XXYLT1: variants seen among roughly 807,000 people sequenced by gnomAD.
XXYLT1 encodes xyloside xylosyltransferase 1.
XXYLT1 carries 20 observed loss-of-function variants against 28.9 expected under a neutral mutation model. The ratio of observed to expected loss-of-function variants is 0.69; its 90% CI spans 0.49 to 1.00. The LOEUF (loss-of-function observed/expected upper bound fraction) is 1.00. XXYLT1 is among the 50% of genes least tolerant of loss of function. The pLI is 0.00. For missense variants in XXYLT1, 542 were observed against 560.1 expected (o/e 0.97, Z 0.33); for synonymous variants, 257 against 253.8 (o/e 1.01, Z -0.12).
At chr3:195,226,968 G>T (rs888393787) in intron 1 of XXYLT1, 112 bp from the exon 2 acceptor site, 5 of 1,342,344 alleles carry the variant, frequency 3.7e-6, no homozygotes, top group Non-Finnish European at 4.0e-6. Context: ...GCCTCTCCAG[G>T]GTCCACAAGC....
intron 3 of XXYLT1, among the ~76,000 whole-genome samples, chr3:195,083,756 T>C (rs1351134921): frequency 6.6e-6 from 1 of 152,198 alleles, no homozygotes; most frequent in Admixed American, 6.5e-5. Context: ...CGGTGCACAG[T>C]GGCTCATGCC....
At position 195,079,246 on chromosome 3, in the gene XXYLT1, C is replaced by T. The variant is rs116538579; in HGVS notation, c.786-9135G>A. Among the ~76,000 whole-genome samples, 649 of 152,278 alleles carry T rather than the reference C, an allele frequency of 4.3e-3. 3 individuals carry two copies. The highest frequency in any genetic ancestry group is 0.015 in the African/African-American group (619 of 41,548). The stretch of plus-strand genomic sequence containing the variant: ...GAGGGATGGAGACGGGGAAGCCACA[C>T]CCTTGGCCCTGGGGAGCGTATGAAC... On this transcript the variant is annotated intron_variant, in intron 3 of 3. Coordinates refer to ENST00000310380, the MANE Select transcript of XXYLT1 (RefSeq NM_152531.5).
At chr3:195,140,288 C>T (rs181685437) in intron 3 of XXYLT1, among the ~76,000 whole-genome samples, 9 of 152,326 alleles carry the variant, frequency 5.9e-5, no homozygotes, top group East Asian at 3.9e-4. Flanking sequence ...CTATAGGCAA[C>T]GTTAGCACCA....
At position 195,180,272 on chromosome 3, in the gene XXYLT1, C is replaced by A. The variant is rs1339467885; in HGVS notation, c.653-23691G>T. 2.1e-6 allele frequency: 2 copies of A among 974,478 alleles called. No individual in the cohort carries two copies. The highest frequency in any genetic ancestry group is 2.4e-6 in the Non-Finnish European group (2 of 820,146). The allele number at this position is 974,478 out of a possible 1,614,324, so 60.4% of individuals were successfully genotyped here. On this transcript the variant is annotated intron_variant, in intron 2 of 3. Coordinates refer to ENST00000310380, the MANE Select transcript of XXYLT1 (RefSeq NM_152531.5). This position sits in a 1 kb window ranked among gnomAD's most constrained non-coding sequence, Gnocchi z 5.8. ...GGGTGGTGAGTGGCACACTCGGTCC[C>A]CCAGTTACAGGAAAGGTCCCTTCCA... is the stretch of plus-strand genomic sequence containing the variant.
intron 2 of XXYLT1, among the ~76,000 whole-genome samples, chr3:195,159,056 G>C (rs1447706476): frequency 6.6e-6 from 1 of 152,128 alleles, no homozygotes; most frequent in Non-Finnish European, 1.5e-5. Context: ...ATAGCAGTAG[G>C]ATCACTGAAA....
intron 2 of XXYLT1, among the ~76,000 whole-genome samples, chr3:195,182,973 G>A (rs1722024392): frequency 6.6e-6 from 1 of 152,158 alleles, no homozygotes; most frequent in African/African-American, 2.4e-5. Context: ...CTTATATCAC[G>A]TTTTTACACA....
rs577573110 is a variant in XXYLT1, at chr3:195,114,706, C to T, written c.785+41743G>A. ...ACAGCACTTGATGTAGAAGGCAGCG[C>T]GGCTTTGCCCACATTCCCTGAACCT... On this transcript the variant is annotated intron_variant, in intron 3 of 3. Transcript: ENST00000310380. Among the ~76,000 whole-genome samples the T allele has an allele frequency of 4.7e-4, 72 of 152,354 alleles. 1 individual carries two copies. In the South Asian group the frequency reaches 0.014, roughly 30 times the overall value.
intron 3 of XXYLT1, among the ~76,000 whole-genome samples, chr3:195,139,156 C>T (rs919984902): frequency 6.6e-6 from 1 of 152,148 alleles, no homozygotes; most frequent in African/African-American, 2.4e-5. Flanking sequence ...CTCAGGAAAG[C>T]TGGAGACAGA....
At chr3:195,239,845 C>T (rs1051523864) in intron 1 of XXYLT1, among the ~76,000 whole-genome samples, 8 of 152,154 alleles carry the variant, frequency 5.3e-5, no homozygotes, top group African/African-American at 1.9e-4. Flanking sequence ...AATGTCACCC[C>T]AACCCACAAG....
At chr3:195,122,902 G>A (rs867128132) in intron 3 of XXYLT1, among the ~76,000 whole-genome samples, 9 of 152,134 alleles carry the variant, frequency 5.9e-5, no homozygotes, top group Admixed American at 6.5e-5. Context: ...GAGACAGGGT[G>A]TGGCCAGCTG....
intron 2 of XXYLT1, among the ~76,000 whole-genome samples, chr3:195,222,112 T>G (rs569076954): frequency 6.6e-6 from 1 of 152,318 alleles, no homozygotes; most frequent in East Asian, 1.9e-4. Flanking sequence ...TCTGTGGGGC[T>G]GCGACATGGG....
rs1335568813 is a variant in XXYLT1, at chr3:195,256,366, T to A, written c.504+14189A>T. 1 of 529,074 alleles carries A rather than the reference T, an allele frequency of 1.9e-6. No individual in the cohort carries two copies. Among genetic ancestry groups the A allele is most frequent in the East Asian group, 1.5e-4 (1 of 6,718 alleles). The allele number at this position is 529,074 out of a possible 1,614,324, so 32.8% of individuals were successfully genotyped here. On this transcript the variant is annotated intron_variant, in intron 1 of 3. Transcript: ENST00000310380. This position sits in a 1 kb window ranked among gnomAD's most constrained non-coding sequence, Gnocchi z 4.2. ...GGCTCATTGACGGTGACGATAAACC[T>A]GAGACAGCTCTGGTCATTCCAAGTC...
chr3:195,224,298 G>T (rs1226008846), intron 2 of XXYLT1, among the ~76,000 whole-genome samples: 1 of 152,208 alleles, frequency 6.6e-6, no homozygotes, highest in Non-Finnish European at 1.5e-5. Context: ...AGAGGGTGGG[G>T]CCCACACCTG....
At chr3:195,250,109 G>A (rs781021394) in intron 1 of XXYLT1, among the ~76,000 whole-genome samples, 25 of 152,150 alleles carry the variant, frequency 1.6e-4, no homozygotes, top group Non-Finnish European at 3.5e-4. Flanking sequence ...GATGTCCACT[G>A]TGCTCACCCA....
intron 1 of XXYLT1, among the ~76,000 whole-genome samples, chr3:195,230,495 C>A (rs1724253472): frequency 6.6e-6 from 1 of 152,152 alleles, no homozygotes; most frequent in South Asian, 2.1e-4. Flanking sequence ...CCAATGTTTT[C>A]TTTTGGTAGT....
rs1320649277 is a variant in XXYLT1 at position 195,226,693 on chromosome 3, T to C, written c.652+16A>G. 1 of 1,610,098 alleles carries C rather than the reference T, an allele frequency of 6.2e-7. No homozygotes were observed. The highest frequency in any genetic ancestry group is 1.7e-5 in the Admixed American group (1 of 58,830). On this transcript the variant is annotated intron_variant, in intron 2 of 3. Transcript: ENST00000310380. ...TCAGACACCCAGGGGCTATTGCTCC[T>C]GGAAGCCCAGGTTACCTTTGGGCAT...
At chr3:195,103,321 G>A (rs901684975) in intron 3 of XXYLT1, among the ~76,000 whole-genome samples, 2 of 129,728 alleles carry the variant, frequency 1.5e-5, no homozygotes, top group Admixed American at 7.4e-5. Context: ...AGCGACCTGC[G>A]TCCATCACCC....
At chr3:195,217,123 TA>T (rs1446738307) in intron 2 of XXYLT1, among the ~76,000 whole-genome samples, 1 of 130,280 alleles carries the variant, frequency 7.7e-6, no homozygotes, top group East Asian at 2.2e-4. Context: ...CCCTTCATGC[TA>T]AAAACTCTCA....
chr3:195,150,772 G>T lies in XXYLT1; in HGVS notation c.785+5677C>A, dbSNP rs1720164945. Reference sequence around the variant, plus strand: ...TAACAAAGGGCCACAGCCCACATACGCACACACTCACACACATATGCACAC... The same window carrying T: ...TAACAAAGGGCCACAGCCCACATACTCACACACTCACACACATATGCACAC... On this transcript the variant is annotated intron_variant, in intron 3 of 3. Coordinates refer to ENST00000310380, the MANE Select transcript of XXYLT1 (RefSeq NM_152531.5). This position sits in a 1 kb window ranked among gnomAD's most constrained non-coding sequence, Gnocchi z 4.7. 6.6e-6 allele frequency among the ~76,000 whole-genome samples: 1 copy of T among 151,552 alleles called. No individual in the cohort carries two copies. The highest frequency in any genetic ancestry group is 1.5e-5 in the Non-Finnish European group (1 of 67,916).
Sources: allele counts gnomAD v4.1 joint callset (sites outside exome capture counted in the v4.1 genomes callset), GRCh38; gene constraint gnomAD v4.1.1; non-coding constraint Gnocchi (gnomAD v3.1); transcripts MANE v1.5; gene names NCBI Gene and HGNC (gene_info 2026-07-23, HGNC 2026-07-21).